The following KCNQ1 variants were observed in gnomAD, a reference collection of about 807,000 sequenced individuals.
KCNQ1 encodes potassium voltage-gated channel subfamily KQT member 1.
A neutral mutation model predicts 72.4 loss-of-function variants in KCNQ1; 49 were observed. The observed-to-expected ratio is 0.68, with a 90% CI of 0.54 to 0.86. The LOEUF is 0.86. Ranked by LOEUF, KCNQ1 falls within the 40% of genes least tolerant of loss-of-function variation. KCNQ1 has a pLI of 0.00. For missense variants in KCNQ1, 790 were observed against 945.1 expected (o/e 0.84, Z 2.15); for synonymous variants, 450 against 412.6 (o/e 1.09, Z -1.10).
At chr11:2,795,015 T>A (rs763477323) in intron 15 of KCNQ1, among the ~76,000 whole-genome samples, 4 of 152,102 alleles carry the variant, frequency 2.6e-5, no homozygotes, top group Non-Finnish European at 4.4e-5. Context: ...AAGACCTGAG[T>A]TTGATGACTC....
rs550268693 is a variant in KCNQ1, at chr11:2,687,248, C to T, written c.1514+25167C>T. 18 of 398,662 alleles carry T rather than the reference C, an allele frequency of 4.5e-5. No homozygotes were observed. Among genetic ancestry groups the T allele is most frequent in the African/African-American group, 3.5e-4 (17 of 48,754 alleles). The allele number at this position is 398,662 out of a possible 1,614,324, so 24.7% of individuals were successfully genotyped here. ...AATTTTCACTCAGCCAGCATCACTA[C>T]CAGCTCCGGGCTTCTCTCCTCTGGC... On this transcript the variant is annotated intron_variant, in intron 11 of 15. Transcript: ENST00000155840. This position sits in a 1 kb window ranked among gnomAD's most constrained non-coding sequence, Gnocchi z 5.0.
intron 11 of KCNQ1, among the ~76,000 whole-genome samples, chr11:2,765,781 C>G (rs771132410): frequency 6.6e-5 from 10 of 152,144 alleles, no homozygotes; most frequent in Non-Finnish European, 1.3e-4. Context: ...TTTCATTTGG[C>G]TACACCATGA....
At chr11:2,667,540 A>C (rs1850100537) in intron 11 of KCNQ1, 1 of 127,458 alleles carries the variant, frequency 7.8e-6, no homozygotes, top group East Asian at 2.6e-4. Context: ...AACTGCACTG[A>C]TATTGTCATG....
intron 10 of KCNQ1, among the ~76,000 whole-genome samples, 190 bp downstream of exon 10, chr11:2,589,044 A>G (rs1848635992): frequency 6.6e-6 from 1 of 152,128 alleles, no homozygotes; most frequent in Non-Finnish European, 1.5e-5. Context: ...AGTCTTCCCA[A>G]GGAGGAGCTG....
rs531557216 is a variant in KCNQ1, at chr11:2,832,900, C to G, written c.1795-14867C>G. Reference sequence around the variant, plus strand: ...GGGCTCCATGGGGCAGAAGCCATGCCCAGCTCAGGGGGCTTCACTCCACTC... The same window carrying G: ...GGGCTCCATGGGGCAGAAGCCATGCGCAGCTCAGGGGGCTTCACTCCACTC... On this transcript the variant is annotated intron_variant, in intron 15 of 15. Coordinates refer to ENST00000155840, the MANE Select transcript of KCNQ1 (RefSeq NM_000218.3). Among the ~76,000 whole-genome samples the G allele has an allele frequency of 1.6e-3, 239 of 152,234 alleles. 1 individual carries two copies. The highest frequency in any genetic ancestry group is 5.6e-3 in the African/African-American group (231 of 41,520).
intron 2 of KCNQ1, among the ~76,000 whole-genome samples, chr11:2,535,441 C>T (rs1191987294): frequency 1.3e-5 from 2 of 152,220 alleles, no homozygotes; most frequent in Non-Finnish European, 2.9e-5. Flanking sequence ...AACTTGAAGC[C>T]ACTGCCCTGT....
At chr11:2,792,351 G>A (rs567792898) in intron 15 of KCNQ1, among the ~76,000 whole-genome samples, 1 of 152,352 alleles carries the variant, frequency 6.6e-6, no homozygotes, top group African/African-American at 2.4e-5. Flanking sequence ...GGCAGGAGTG[G>A]ATGGGGTGTG....
Position 2,482,539 on chromosome 11 carries a change from G to C in KCNQ1, c.386+37055G>C, listed in dbSNP as rs1268912504. Among the ~76,000 whole-genome samples the C allele has an allele frequency of 3.3e-5, 5 of 152,192 alleles. No homozygotes were observed. The highest frequency in any genetic ancestry group is 3.9e-4 in the East Asian group (2 of 5,170). On this transcript the variant is annotated intron_variant, in intron 1 of 15. Transcript: ENST00000155840. This position sits in a 1 kb window ranked among gnomAD's most constrained non-coding sequence, Gnocchi z 5.7. The stretch of plus-strand genomic sequence containing the variant: ...CAGGAGAAGACTGACAGGATCAAAG[G>C]GTTCCTGCATTTTTATGGCTCTGAC...
rs199472820 is a variant in KCNQ1, at chr11:2,847,833, G to T, written c.1861G>T (p.Gly621Cys). 3 of 1,568,872 alleles carry T rather than the reference G, an allele frequency of 1.9e-6. No homozygotes were observed. Among genetic ancestry groups the T allele is most frequent in the East Asian group, 2.4e-5 (1 of 42,380 alleles). The part of the protein sequence containing the change: ...DMLHQLLSLH[G>C]GSTPGSGGPP... ...GCTTCACCAGCTGCTCTCCTTGCAC[G>T]GTGGCAGCACCCCCGGCAGCGGCGG... The change falls in exon 16 of 16, where the codon GGT becomes TGT. Residue 621 changes from glycine to cysteine, a missense_variant. Physicochemically the swap from Gly to Cys is radical, Grantham distance 159. Around this residue, in one of 5 missense-constraint regions of KCNQ1, gnomAD observed 94 missense variants for 85.2 expected, o/e 1.10. Coordinates refer to ENST00000155840, the MANE Select transcript of KCNQ1 (RefSeq NM_000218.3).
intron 11 of KCNQ1, among the ~76,000 whole-genome samples, chr11:2,700,325 C>A (rs901890807): frequency 6.6e-6 from 1 of 152,140 alleles, no homozygotes; most frequent in African/African-American, 2.4e-5. Flanking sequence ...GCGTTGGCAT[C>A]GCCGGGGTGA....
intron 11 of KCNQ1, chr11:2,692,349 C>T: frequency 2.5e-6 from 1 of 399,000 alleles, no homozygotes. Context: ...CTCTGTACTG[C>T]AGGCATCTCC....
At chr11:2,741,063 G>A (rs1359072960) in intron 11 of KCNQ1, among the ~76,000 whole-genome samples, 3 of 152,186 alleles carry the variant, frequency 2.0e-5, no homozygotes, top group Admixed American at 6.5e-5. Context: ...GCCCTGGGGT[G>A]GGGGGTGTTC....
At position 2,671,667 on chromosome 11, in the gene KCNQ1, A is replaced by C. The variant is rs943493246; in HGVS notation, c.1514+9586A>C. 1.8e-5 allele frequency: 7 copies of C among 385,336 alleles called. No homozygotes were observed. The highest frequency in any genetic ancestry group is 9.7e-5 in the Admixed American group (2 of 20,662). 23.9% of individuals were successfully genotyped at this position (385,336 alleles called of 1,614,324 possible). On this transcript the variant is annotated intron_variant, in intron 11 of 15. Transcript: ENST00000155840. The surrounding 1 kb of genome is among the most constrained non-coding windows in gnomAD (Gnocchi z 4.7). ...CCCTGCTGGGGAAACTGAGGCAGAG[A>C]GCAGGGGTGACTTTGCAAGGCAATA...
chr11:2,571,914 G>T, intron 4 of KCNQ1, 99 bp from the exon 5 acceptor site: 1 of 959,024 alleles, frequency 1.0e-6, no homozygotes, highest in Non-Finnish European at 1.6e-6. Context: ...CCTGGGAGGG[G>T]CAGGGGCAGG....
At chr11:2,511,371 T>C (rs1258359883) in intron 1 of KCNQ1, among the ~76,000 whole-genome samples, 1 of 152,016 alleles carries the variant, frequency 6.6e-6, no homozygotes, top group Non-Finnish European at 1.5e-5. Flanking sequence ...GCCCTCTCAC[T>C]CTCCCCCACC....
At chr11:2,521,168 A>AC (rs1182888849) in intron 1 of KCNQ1, among the ~76,000 whole-genome samples, 1 of 151,918 alleles carries the variant, frequency 6.6e-6, no homozygotes, top group Non-Finnish European at 1.5e-5. Context: ...ACCACCATCC[A>AC]CCCCAAAACT....
In KCNQ1 at chr11:2,566,227, G is replaced by A. The variant is rs922455599; in HGVS notation, c.478-4401G>A. ...CTTTGCCAAGGGTCCTCCAGCCTTT[G>A]GCCTGCACCCACTCATCTGGCAGTA... is the stretch of plus-strand genomic sequence containing the variant. On this transcript the variant is annotated intron_variant, in intron 2 of 15. Transcript: ENST00000155840. The surrounding 1 kb of genome is among the most constrained non-coding windows in gnomAD (Gnocchi z 6.7). Among the ~76,000 whole-genome samples, 30 of 152,082 alleles carry A rather than the reference G, an allele frequency of 2.0e-4. No homozygotes were observed. Among genetic ancestry groups the A allele is most frequent in the Non-Finnish European group, 3.5e-4 (24 of 68,012 alleles).
At chr11:2,754,522 G>T (rs1468339250) in intron 11 of KCNQ1, among the ~76,000 whole-genome samples, 1 of 150,570 alleles carries the variant, frequency 6.6e-6, no homozygotes, top group Non-Finnish European at 1.5e-5. Flanking sequence ...AGGCACAAGG[G>T]TAGACAATTA....
chr11:2,800,134 C>T (rs1319990580), intron 15 of KCNQ1, among the ~76,000 whole-genome samples: 1 of 152,196 alleles, frequency 6.6e-6, no homozygotes, highest in Non-Finnish European at 1.5e-5. Flanking sequence ...TGACCCTGCC[C>T]TGTCTCCAGA....
Sources: gnomAD v4.1 joint callset for allele counts (sites outside exome capture counted in the v4.1 genomes callset) on GRCh38, gnomAD v4.1.1 for gene constraint, gnomAD v4.1.1 regional missense constraint, Gnocchi (gnomAD v3.1) non-coding constraint, MANE v1.5 for transcripts, NCBI Gene and HGNC (gene_info 2026-07-23, HGNC 2026-07-21) for gene names.